Variants in THUMPD2 observed in about 807,000 individuals in gnomAD.
The protein encoded by THUMPD2 is THUMP domain 2 tRNA and snRNA guanosine methyltransferase.
Under a neutral mutation model 49.4 loss-of-function variants are expected in THUMPD2, and 56 were observed. The ratio of observed to expected loss-of-function variants is 1.13; its 90% CI spans 0.91 to 1.41. The LOEUF (loss-of-function observed/expected upper bound fraction) is 1.41. Ranked by LOEUF, THUMPD2 falls within the 40% of genes most tolerant of loss-of-function variation. The pLI is 0.00. For missense variants in THUMPD2, 709 were observed against 594.5 expected, an observed-to-expected ratio of 1.19 and a Z score of -2.00; for synonymous variants, 237 against 205.2, an observed-to-expected ratio of 1.15 and a Z score of -1.32.
intron 9 of THUMPD2, among the ~76,000 whole-genome samples, chr2:39,743,727 C>T (rs928207919): frequency 5.9e-5 from 9 of 152,188 alleles, no homozygotes; most frequent in African/African-American, 2.2e-4. Context: ...TGACTAGAAG[C>T]AGCCTGGGGC....
At chr2:39,747,660 A>G (rs1352258536) in intron 8 of THUMPD2, among the ~76,000 whole-genome samples, 1 of 152,158 alleles carries the variant, frequency 6.6e-6, no homozygotes, top group Non-Finnish European at 1.5e-5. Flanking sequence ...TTAATAAAAG[A>G]CTTTTTTTTG....
intron 1 of THUMPD2, among the ~76,000 whole-genome samples, chr2:39,773,845 T>C (rs1161236672): frequency 6.6e-6 from 1 of 152,176 alleles, no homozygotes; most frequent in Non-Finnish European, 1.5e-5. Context: ...AACATTATTC[T>C]ACGAATTATC....
chr2:39,739,472 C>A (rs1181971508), intron 9 of THUMPD2, among the ~76,000 whole-genome samples: 1 of 152,218 alleles, frequency 6.6e-6, no homozygotes, highest in East Asian at 1.9e-4. Flanking sequence ...TTTTCTCTCA[C>A]TCTAAAGCAA....
intron 9 of THUMPD2, among the ~76,000 whole-genome samples, chr2:39,739,610 A>G (rs769173107): frequency 4.6e-5 from 7 of 152,170 alleles, no homozygotes; most frequent in Non-Finnish European, 7.3e-5. Context: ...CACTGCTGTA[A>G]TCCCCGGGGC....
At chr2:39,767,877 G>A (rs1293137241) in intron 4 of THUMPD2, among the ~76,000 whole-genome samples, 1 of 152,018 alleles carries the variant, frequency 6.6e-6, no homozygotes, top group Non-Finnish European at 1.5e-5. Flanking sequence ...GAAAATGATT[G>A]GTTATACGTC....
Position 39,758,463 on chromosome 2 carries a change from T to C in THUMPD2, c.892-2503A>G, listed in dbSNP as rs573340933. On this transcript the variant is annotated intron_variant, in intron 6 of 9. Coordinates refer to ENST00000505747, the MANE Select transcript of THUMPD2 (RefSeq NM_025264.5). The stretch of plus-strand genomic sequence containing the variant: ...TGTCACAGTCCCAGAAAAAGGAACA[T>C]GTGTGGGGCCTCCCTGCTGTGGGTT... Among the ~76,000 whole-genome samples the C allele has an allele frequency of 1.3e-3, 192 of 152,104 alleles. 2 individuals carry two copies. Among genetic ancestry groups the C allele is most frequent in the Non-Finnish European group, 1.0e-3 (69 of 67,962 alleles).
chr2:39,750,196 G>C (rs6731450), intron 8 of THUMPD2, among the ~76,000 whole-genome samples: 88,536 of 152,096 alleles, frequency 0.58, 27,394 homozygotes, highest in African/African-American at 0.79. Context: ...AACGGTTGAA[G>C]TCATTTACAC....
intron 8 of THUMPD2, among the ~76,000 whole-genome samples, chr2:39,749,896 A>T (rs907660621): frequency 2.0e-5 from 3 of 152,156 alleles, no homozygotes; most frequent in African/African-American, 7.2e-5. Context: ...AACAGCTTCA[A>T]GCACCATCCA....
intron 4 of THUMPD2, among the ~76,000 whole-genome samples, chr2:39,767,144 GTTAA>G (rs574857186): frequency 7.7e-4 from 117 of 152,224 alleles, no homozygotes; most frequent in African/African-American, 2.6e-3. Flanking sequence ...CCAATTTTGT[GTTAA>G]TTATTTGTAT....
chr2:39,755,809 C>T (rs1572806745), intron 7 of THUMPD2, 80 bp downstream of exon 7: 4 of 1,163,718 alleles, frequency 3.4e-6, no homozygotes, highest in Non-Finnish European at 3.8e-6. Flanking sequence ...AGACATTCTA[C>T]TTGTAAATAA....
Position 39,769,953 on chromosome 2 carries a change from AATG to A in THUMPD2, c.426_428del (p.Ile143del). The A allele has an allele frequency of 3.8e-6, 6 of 1,577,684 alleles. No individual in the cohort carries two copies. The highest frequency in any genetic ancestry group is 5.1e-6 in the Non-Finnish European group (6 of 1,169,964). On this transcript the variant is annotated inframe_deletion, in exon 3 of 10. Transcript: ENST00000505747. ...TTTGTTCTATTTTTAATTTCTTTGC[AATG>A]ATTTCATTTTCTCCCACTTTTCTTT...
At chr2:39,738,545 CAG>C (rs1158538312) in intron 9 of THUMPD2, among the ~76,000 whole-genome samples, 1 of 151,226 alleles carries the variant, frequency 6.6e-6, no homozygotes, top group Non-Finnish European at 1.5e-5. Context: ...GTCTGGGCAA[CAG>C]AGAGAGACCC....
At chr2:39,745,724 G>A (rs1674489374) in intron 8 of THUMPD2, among the ~76,000 whole-genome samples, 1 of 151,884 alleles carries the variant, frequency 6.6e-6, no homozygotes, top group Non-Finnish European at 1.5e-5. Flanking sequence ...CATTTTTATT[G>A]GGAACTTTGC....
intron 8 of THUMPD2, among the ~76,000 whole-genome samples, chr2:39,745,919 G>A (rs568884856): frequency 6.6e-6 from 1 of 152,302 alleles, no homozygotes; most frequent in Non-Finnish European, 1.5e-5. Context: ...AAGCTCTGGA[G>A]TCAGACAGCT....
At chr2:39,769,114 A>G (rs75626275) in intron 3 of THUMPD2, 35,136 of 1,302,446 alleles carry the variant, frequency 0.027, 525 homozygotes, top group Non-Finnish European at 0.03. Flanking sequence ...TAGCCACTGA[A>G]TAAGCACAAA....
intron 8 of THUMPD2, among the ~76,000 whole-genome samples, chr2:39,746,423 G>A (rs545250580): frequency 6.6e-6 from 1 of 152,216 alleles, no homozygotes; most frequent in East Asian, 1.9e-4. Context: ...CCCCATCTCC[G>A]TAGGTTTAGA....
chr2:39,749,429 G>A (rs929835485), intron 8 of THUMPD2, among the ~76,000 whole-genome samples: 6 of 152,128 alleles, frequency 3.9e-5, no homozygotes, highest in South Asian at 2.1e-4. Context: ...TTTTGCTTAG[G>A]TGCATAACAA....
intron 8 of THUMPD2, 95 bp from the exon 9 acceptor site, chr2:39,744,573 G>A (rs17024307): frequency 0.045 from 34,680 of 766,844 alleles, 1,726 homozygotes; most frequent in African/African-American, 0.22. Flanking sequence ...TTATTTTTGC[G>A]TAACAGATTA....
intron 1 of THUMPD2, among the ~76,000 whole-genome samples, chr2:39,776,954 A>C (rs1285327113): frequency 3.3e-5 from 5 of 152,200 alleles, no homozygotes; most frequent in African/African-American, 7.2e-5. Flanking sequence ...AATTGGAAAA[A>C]CACATTAAAA....
Sources: gnomAD v4.1 joint callset for allele counts (sites outside exome capture counted in the v4.1 genomes callset) on GRCh38, gnomAD v4.1.1 for gene constraint, MANE v1.5 for transcripts, NCBI Gene and HGNC (gene_info 2026-07-23, HGNC 2026-07-21) for gene names.